The following NKAIN2 variants were observed in gnomAD, a reference collection of about 807,000 sequenced individuals.
NKAIN2 encodes the protein sodium/potassium-transporting ATPase subunit beta-1-interacting protein 2.
In NKAIN2, 14 loss-of-function variants were observed where a neutral mutation model predicts 32.6. That is an observed-to-expected ratio of 0.43 (90% CI 0.28 to 0.67). The LOEUF is 0.67. Among genes scored for constraint, NKAIN2 ranks in the 30% least tolerant of loss-of-function variants. The pLI, the probability that NKAIN2 is intolerant of heterozygous loss-of-function variation, is 0.17. For synonymous variants in NKAIN2, 80 were observed against 87.2 expected (o/e 0.92, Z 0.46); for missense variants, 198 against 258.3 (o/e 0.77, Z 1.60).
intron 1 of NKAIN2, among the ~76,000 whole-genome samples, chr6:124,118,453 T>A (rs1785724208): frequency 6.6e-6 from 1 of 152,082 alleles, no homozygotes; most frequent in Non-Finnish European, 1.5e-5. Flanking sequence ...TTATAAGATT[T>A]GAAGTGGTCA....
At chr6:124,710,820 G>A (rs1160597701) in intron 4 of NKAIN2, among the ~76,000 whole-genome samples, 5 of 148,980 alleles carry the variant, frequency 3.4e-5, no homozygotes, top group Admixed American at 2.7e-4. Context: ...GGAGCATTTA[G>A]TCCATTTACA....
At chr6:124,540,478 T>G (rs1173442662) in intron 3 of NKAIN2, among the ~76,000 whole-genome samples, 1 of 152,236 alleles carries the variant, frequency 6.6e-6, no homozygotes, top group African/African-American at 2.4e-5. Context: ...GTTCTTTTTA[T>G]TTTAAGGAAA....
chr6:124,298,593 T>C lies in NKAIN2; in HGVS notation c.192+15451T>C, dbSNP rs374594177. 7.0e-4 allele frequency among the ~76,000 whole-genome samples: 106 copies of C among 152,286 alleles called. 2 individuals carry two copies. In the South Asian group the frequency reaches 0.021, roughly 30 times the overall value. On this transcript the variant is annotated intron_variant, in intron 2 of 6. Transcript: ENST00000368417. Reference sequence around the variant, plus strand: ...TATTTTTGTGGGTTATTGTCTACACTCAGGCATAGATGATAATGCCACACA... The same window carrying C: ...TATTTTTGTGGGTTATTGTCTACACCCAGGCATAGATGATAATGCCACACA...
intron 3 of NKAIN2, among the ~76,000 whole-genome samples, chr6:124,413,518 T>C (rs1430687985): frequency 6.6e-6 from 1 of 152,184 alleles, no homozygotes; most frequent in African/African-American, 2.4e-5. Flanking sequence ...TTCAAAGATG[T>C]TTTGGTGCTT....
intron 5 of NKAIN2, among the ~76,000 whole-genome samples, chr6:124,795,952 T>TTTTTTCTGA (rs1331020331): frequency 9.2e-5 from 14 of 152,080 alleles, no homozygotes; most frequent in African/African-American, 3.4e-4. Flanking sequence ...AGGGTTTCTG[T>TTTTTTCTGA]TTTTTTCCAT....
At chr6:124,687,658 A>C (rs1305527358) in intron 4 of NKAIN2, among the ~76,000 whole-genome samples, 2 of 13,804 alleles carry the variant, frequency 1.4e-4, no homozygotes, top group East Asian at 3.0e-3. Context: ...TAGAGAGAGA[A>C]TATACCATAT....
intron 1 of NKAIN2, among the ~76,000 whole-genome samples, chr6:124,139,079 A>ATTTTTTTTTTTTTTTT (rs900247440): frequency 1.0e-4 from 10 of 99,468 alleles, no homozygotes; most frequent in African/African-American, 3.0e-4. Flanking sequence ...TTAAATAAAA[A>ATTTTTTTTTTTTTTTT]TTTTTTTTTT....
intron 4 of NKAIN2, among the ~76,000 whole-genome samples, chr6:124,721,207 G>C (rs1035297722): frequency 1.3e-5 from 2 of 152,006 alleles, no homozygotes; most frequent in African/African-American, 2.4e-5. Flanking sequence ...ACGAGGTCAG[G>C]AGATCGAGAC....
intron 1 of NKAIN2, among the ~76,000 whole-genome samples, chr6:123,808,722 G>A (rs748365388): frequency 6.6e-6 from 1 of 152,150 alleles, no homozygotes; most frequent in South Asian, 2.1e-4. Flanking sequence ...GTCATCTCTG[G>A]CATGGGGCCC....
At chr6:124,155,984 A>G (rs1051759808) in intron 1 of NKAIN2, among the ~76,000 whole-genome samples, 1 of 151,542 alleles carries the variant, frequency 6.6e-6, no homozygotes, top group African/African-American at 2.4e-5. Flanking sequence ...AAAAAGGGAT[A>G]CTAGGCCCCA....
chr6:124,821,803 C>T (rs1781405059), intron 6 of NKAIN2, among the ~76,000 whole-genome samples: 1 of 152,080 alleles, frequency 6.6e-6, no homozygotes. Context: ...CCAATCATTC[C>T]TTCCACAAAA....
intron 1 of NKAIN2, among the ~76,000 whole-genome samples, chr6:123,884,726 A>G (rs921159683): frequency 6.6e-6 from 1 of 152,080 alleles, no homozygotes; most frequent in African/African-American, 2.4e-5. Context: ...CAAACACTTC[A>G]TGTCCACTGG....
At chr6:124,712,924 A>G (rs1298491749) in intron 4 of NKAIN2, among the ~76,000 whole-genome samples, 2 of 152,144 alleles carry the variant, frequency 1.3e-5, no homozygotes, top group Non-Finnish European at 2.9e-5. Context: ...TTTATGTTAC[A>G]TAGTGAAAAG....
chr6:124,640,825 G>T (rs758513995), intron 3 of NKAIN2, among the ~76,000 whole-genome samples: 4 of 152,032 alleles, frequency 2.6e-5, no homozygotes, highest in Admixed American at 1.3e-4. Context: ...ATTTTTTCCC[G>T]TTTCCTATTT....
chr6:123,924,646 C>T (rs959712149), intron 1 of NKAIN2, among the ~76,000 whole-genome samples: 1 of 152,068 alleles, frequency 6.6e-6, no homozygotes, highest in African/African-American at 2.4e-5. Context: ...AGACCTGGAT[C>T]GTTCAGTTCA....
chr6:124,117,961 TA>T (rs543519480), intron 1 of NKAIN2, among the ~76,000 whole-genome samples: 16 of 151,678 alleles, frequency 1.1e-4, no homozygotes, highest in African/African-American at 3.6e-4. Context: ...CTAACTAAAC[TA>T]AGGAAATCTG....
At chr6:124,643,161 C>T (rs1784052358) in intron 3 of NKAIN2, among the ~76,000 whole-genome samples, 1 of 152,108 alleles carries the variant, frequency 6.6e-6, no homozygotes, top group Non-Finnish European at 1.5e-5. Flanking sequence ...TGCTTGTGGT[C>T]TCTTACTGAT....
At chr6:123,835,564 T>A (rs1171743868) in intron 1 of NKAIN2, among the ~76,000 whole-genome samples, 1 of 152,214 alleles carries the variant, frequency 6.6e-6, no homozygotes, top group Non-Finnish European at 1.5e-5. Context: ...TGGTGTTTAC[T>A]CTTCAATTTT....
intron 1 of NKAIN2, among the ~76,000 whole-genome samples, chr6:124,110,160 GC>G (rs1180045764): frequency 6.8e-6 from 1 of 147,360 alleles, no homozygotes; most frequent in East Asian, 2.0e-4. Context: ...TTTTCCAACA[GC>G]ACATTGAAAC....
Sources: gnomAD v4.1 joint callset for allele counts (sites outside exome capture counted in the v4.1 genomes callset) on GRCh38, gnomAD v4.1.1 for gene constraint, MANE v1.5 for transcripts, NCBI Gene and HGNC (gene_info 2026-07-23, HGNC 2026-07-21) for gene names.